Variants in CSTF3 observed in about 807,000 individuals in gnomAD.
The protein encoded by CSTF3 is CF-1 77 kDa subunit.
In CSTF3, 29 loss-of-function variants were observed where a neutral mutation model predicts 105.8. The observed-to-expected ratio is 0.27, with a 90% CI of 0.20 to 0.37. The LOEUF (loss-of-function observed/expected upper bound fraction) is 0.37, where lower values mean the gene tolerates loss of function less well. Among genes scored for constraint, CSTF3 ranks in the 10% least tolerant of loss-of-function variants. CSTF3 has a pLI of 1.00. For missense variants in CSTF3, 357 were observed against 879.3 expected, an observed-to-expected ratio of 0.41 and a Z score of 7.51; for synonymous variants, 252 against 281.9, an observed-to-expected ratio of 0.89 and a Z score of 1.06.
intron 3 of CSTF3, among the ~76,000 whole-genome samples, chr11:33,122,772 T>G (rs1250045015): frequency 6.6e-6 from 1 of 151,462 alleles, no homozygotes; most frequent in Non-Finnish European, 1.5e-5. Context: ...AAAAATTAGC[T>G]GGGCATGGTG....
intron 14 of CSTF3, 85 bp downstream of exon 14, chr11:33,096,750 A>G: frequency 1.5e-6 from 2 of 1,323,532 alleles, no homozygotes; most frequent in South Asian, 2.8e-5. Flanking sequence ...TAAAAGCTTA[A>G]TGACAGAAGC....
In CSTF3 at chr11:33,138,892, C is replaced by T. The variant is rs529726882; in HGVS notation, c.225+2775G>A. Among the ~76,000 whole-genome samples, 50 of 151,874 alleles carry T rather than the reference C, an allele frequency of 3.3e-4. 1 individual carries two copies. In the South Asian group the frequency reaches 3.5e-3, roughly 11 times the overall value. On this transcript the variant is annotated intron_variant, in intron 3 of 20. Coordinates refer to ENST00000323959, the MANE Select transcript of CSTF3 (RefSeq NM_001326.3). ...ATATTAAGAATACACAGAAGTTTGT[C>T]CTAAATGCCATTCACTAGAGCAAGA...
At chr11:33,140,004 T>C (rs1225112949) in intron 3 of CSTF3, among the ~76,000 whole-genome samples, 2 of 152,062 alleles carry the variant, frequency 1.3e-5, no homozygotes, top group Non-Finnish European at 2.9e-5. Context: ...TCAGTTTAAC[T>C]TACGCTATAA....
chr11:33,090,754 C>A (rs767130714), intron 16 of CSTF3, 27 bp from the exon 17 acceptor site: 1 of 1,473,292 alleles, frequency 6.8e-7, no homozygotes, highest in South Asian at 1.4e-5. Context: ...ACAATCAATA[C>A]TTTAATTATT....
chr11:33,156,093 A>G (rs935086380), intron 1 of CSTF3, among the ~76,000 whole-genome samples: 2 of 152,206 alleles, frequency 1.3e-5, no homozygotes, highest in Non-Finnish European at 2.9e-5. Context: ...TCTTAGGAAC[A>G]ACTGTCCCCA....
intron 15 of CSTF3, among the ~76,000 whole-genome samples, chr11:33,095,806 C>A (rs1855215675): frequency 8.0e-6 from 1 of 124,306 alleles, no homozygotes; most frequent in African/African-American, 2.7e-5. Flanking sequence ...TGGGCGACAG[C>A]GAGACTCTGT....
chr11:33,122,401 T>C (rs1292743163), intron 3 of CSTF3, among the ~76,000 whole-genome samples: 1 of 152,172 alleles, frequency 6.6e-6, no homozygotes, highest in Non-Finnish European at 1.5e-5. Context: ...TCTTCATAAC[T>C]ATTTCATAAG....
At chr11:33,129,482 T>C (rs1400282106) in intron 3 of CSTF3, among the ~76,000 whole-genome samples, 1 of 152,110 alleles carries the variant, frequency 6.6e-6, no homozygotes. Flanking sequence ...CCAGATGACT[T>C]TTCTTGAGAA....
chr11:33,145,989 C>T (rs930802294), intron 1 of CSTF3, among the ~76,000 whole-genome samples: 1 of 152,134 alleles, frequency 6.6e-6, no homozygotes, highest in Admixed American at 6.5e-5. Flanking sequence ...GTAATCCCAG[C>T]ACTTTGGGAG....
chr11:33,085,942 CA>C lies in CSTF3; in HGVS notation c.1842del (p.Ala615GlnfsTer5). ...PVPGGVFPVP[P>X]AAVVLMKLLP... Reference sequence around the variant, plus strand: ...AGAAGTTTCATTAAAACAACAGCTGCAGGAGGGACTGGGAACACTCCACCAG... The same window carrying C: ...AGAAGTTTCATTAAAACAACAGCTGCGGAGGGACTGGGAACACTCCACCAG... On this transcript the variant is annotated frameshift_variant, in exon 19 of 21. Transcript: ENST00000323959. LOFTEE classifies it high-confidence loss of function. The C allele has an allele frequency of 6.5e-7, 1 of 1,545,124 alleles. No individual in the cohort carries two copies. The highest frequency in any genetic ancestry group is 1.3e-5 in the South Asian group (1 of 76,820).
At chr11:33,143,943 T>C (rs1855746396) in intron 1 of CSTF3, among the ~76,000 whole-genome samples, 2 of 152,192 alleles carry the variant, frequency 1.3e-5, no homozygotes, top group South Asian at 4.1e-4. Context: ...TTAGCCGAGA[T>C]AGCACCACTG....
chr11:33,152,405 A>G (rs1196149584), intron 1 of CSTF3, among the ~76,000 whole-genome samples: 1 of 152,210 alleles, frequency 6.6e-6, no homozygotes, highest in Non-Finnish European at 1.5e-5. Context: ...CTGGGACTAC[A>G]GGCGTGCACC....
At chr11:33,139,775 G>C (rs528350418) in intron 3 of CSTF3, among the ~76,000 whole-genome samples, 1 of 151,852 alleles carries the variant, frequency 6.6e-6, no homozygotes, top group East Asian at 1.9e-4. Context: ...TGAAGTAACT[G>C]CAAATATTAC....
At chr11:33,104,825 T>A (rs933372406) in intron 8 of CSTF3, among the ~76,000 whole-genome samples, 2 of 152,202 alleles carry the variant, frequency 1.3e-5, no homozygotes, top group African/African-American at 2.4e-5. Context: ...CCAAAAACCA[T>A]AAAGTTTGAA....
chr11:33,119,427 G>C (rs1855464920), intron 3 of CSTF3, among the ~76,000 whole-genome samples: 2 of 151,714 alleles, frequency 1.3e-5, no homozygotes, highest in South Asian at 4.1e-4. Flanking sequence ...ATTTATAGTA[G>C]ATACCCAGTA....
At chr11:33,139,087 T>C (rs1382709418) in intron 3 of CSTF3, among the ~76,000 whole-genome samples, 1 of 151,930 alleles carries the variant, frequency 6.6e-6, no homozygotes, top group Non-Finnish European at 1.5e-5. Flanking sequence ...TTAACCTTTT[T>C]TAAAAGTAAT....
At chr11:33,109,425 C>A (rs1407520909) in intron 3 of CSTF3, among the ~76,000 whole-genome samples, 1 of 152,040 alleles carries the variant, frequency 6.6e-6, no homozygotes, top group African/African-American at 2.4e-5. Context: ...ATAACTTGTT[C>A]TCTTCTGGAC....
At position 33,085,240 on chromosome 11, in the gene CSTF3, A is replaced by G. The variant is rs768753534; in HGVS notation, c.2001T>C (p.Ala667=). The G allele has an allele frequency of 7.0e-5, 111 of 1,588,978 alleles. No individual in the cohort carries two copies. Among genetic ancestry groups the G allele is most frequent in the Non-Finnish European group, 9.2e-5 (107 of 1,168,308 alleles). Residue 667 remains alanine (A), a synonymous_variant, in exon 21 of 21, where the codon GCT becomes GCC. Transcript: ENST00000323959. ...RIITGGAPEL[A]VEGNGPVESN... is the part of the protein sequence containing the mutation. ...TTTCCACGGGGCCGTTGCCTTCTAC[A>G]GCTAGCTCTGGGGCCCCACCAGTAA...
At chr11:33,097,745 A>G (rs958332272) in intron 13 of CSTF3, among the ~76,000 whole-genome samples, 6 of 152,226 alleles carry the variant, frequency 3.9e-5, no homozygotes. Flanking sequence ...AACATATAAT[A>G]GAACTTCATG....
Sources: gnomAD v4.1 joint callset for allele counts (sites outside exome capture counted in the v4.1 genomes callset) on GRCh38, gnomAD v4.1.1 for gene constraint, MANE v1.5 for transcripts, NCBI Gene and HGNC (gene_info 2026-07-23, HGNC 2026-07-21) for gene names.